The following PRDM12 variants were observed in gnomAD, a reference collection of about 807,000 sequenced individuals.
PRDM12 encodes PR/SET domain 12.
PRDM12 carries 17 observed loss-of-function variants against 29.6 expected under a neutral mutation model. The observed-to-expected ratio is 0.57, with a 90% CI of 0.39 to 0.86. The LOEUF (loss-of-function observed/expected upper bound fraction) is 0.86, where lower values mean the gene tolerates loss of function less well. Among genes scored for constraint, PRDM12 ranks in the 40% least tolerant of loss-of-function variants. The pLI is 0.00. For missense variants in PRDM12, 422 were observed against 510.8 expected (o/e 0.83, Z 1.68); for synonymous variants, 231 against 225.8 (o/e 1.02, Z -0.21).
chr9:130,680,632 A>ATATATATATATATATAT (rs1246642229), intron 4 of PRDM12, among the ~76,000 whole-genome samples: 5 of 77,314 alleles, frequency 6.5e-5, no homozygotes, highest in Non-Finnish European at 1.1e-4. Flanking sequence ...CTAAAAAAAA[A>ATATATATATATATATAT]AAATATATAT....
rs1298500435 is a variant in PRDM12, at chr9:130,680,640, T to A, written c.683-608T>A. On this transcript the variant is annotated intron_variant, in intron 4 of 4. Coordinates refer to ENST00000253008, the MANE Select transcript of PRDM12 (RefSeq NM_021619.3). ...ACTCCGTCTAAAAAAAAAAAATATA[T>A]ATATATATATATATATATATTTTTT... Among the ~76,000 whole-genome samples the A allele has an allele frequency of 4.4e-3, 339 of 77,682 alleles. 3 individuals are homozygous for A. The highest frequency in any genetic ancestry group is 6.6e-3 in the Non-Finnish European group (283 of 43,120). The allele number at this position is 77,682 out of a possible 152,430, so 51.0% of individuals were successfully genotyped here.
intron 2 of PRDM12, among the ~76,000 whole-genome samples, chr9:130,667,771 T>C (rs1279269673): frequency 1.3e-5 from 2 of 152,068 alleles, no homozygotes; most frequent in Admixed American, 1.3e-4. Context: ...GACTCCAGGA[T>C]CCTCCCTCTC....
chr9:130,680,659 A>ATATTTTTTTT, intron 4 of PRDM12, among the ~76,000 whole-genome samples: 10 of 72,166 alleles, frequency 1.4e-4, no homozygotes, highest in African/African-American at 7.8e-4. Context: ...ATATATATAT[A>ATATTTTTTTT]TTTTTTTTTT....
chr9:130,671,965 C>T lies in PRDM12; in HGVS notation c.570+3652C>T, dbSNP rs114468931. On this transcript the variant is annotated intron_variant, in intron 3 of 4. Transcript: ENST00000253008. ...CTTTCCATAAATACAGAATAGCAGC[C>T]TTCTCAACAGAGACGAAGGCAACGG... is the stretch of plus-strand genomic sequence containing the variant. Among the ~76,000 whole-genome samples the T allele has an allele frequency of 4.6e-3, 700 of 152,320 alleles. 9 individuals carry two copies. Among genetic ancestry groups the T allele is most frequent in the African/African-American group, 0.016 (673 of 41,560 alleles).
Position 130,681,605 on chromosome 9 carries a change from TCGC to T in PRDM12, c.1074_1076del (p.Ala359del), listed in dbSNP as rs752427775. ...GCCCCGCACGCGCACGCGCCCGCGC[TCGC>T]CGCCGCCGCCGCCGCCGCCGCCGCC... is the stretch of plus-strand genomic sequence containing the variant. On this transcript the variant is annotated inframe_deletion, in exon 5 of 5. Coordinates refer to ENST00000253008, the MANE Select transcript of PRDM12 (RefSeq NM_021619.3). The surrounding 1 kb of genome is among the most constrained non-coding windows in gnomAD (Gnocchi z 8.1). 1,391 of 942,186 alleles carry T rather than the reference TCGC, an allele frequency of 1.5e-3. No homozygotes were observed. The highest frequency in any genetic ancestry group is 2.5e-3 in the African/African-American group (137 of 53,936). 58.4% of individuals were successfully genotyped at this position (942,186 alleles called of 1,614,324 possible). A position where few individuals can be genotyped will look rare whatever the true frequency, so the allele number is the denominator to read the frequency against.
Position 130,681,892 on chromosome 9 carries a change from T to A in PRDM12, c.*223T>A. 3.6e-6 allele frequency: 1 copy of A among 279,298 alleles called. No homozygotes were observed. Among genetic ancestry groups the A allele is most frequent in the Non-Finnish European group, 5.4e-6 (1 of 184,644 alleles). The allele number at this position is 279,298 out of a possible 1,614,324, so 17.3% of individuals were successfully genotyped here. ...TCCCTCACCCAGGCCACGCAGCTGG[T>A]GCGGCTGTTCGGCCGCCTCCTCTGG... On this transcript the variant is annotated 3_prime_UTR_variant, in exon 5 of 5. Transcript: ENST00000253008. This position sits in a 1 kb window ranked among gnomAD's most constrained non-coding sequence, Gnocchi z 8.1.
At chr9:130,678,730 C>A in intron 4 of PRDM12, 90 bp downstream of exon 4, 1 of 1,067,450 alleles carries the variant, frequency 9.4e-7, no homozygotes, top group Non-Finnish European at 1.4e-6. Flanking sequence ...GGCAGAGAGG[C>A]TCTTGGCCTC....
chr9:130,669,072 A>C (rs1830761713), intron 3 of PRDM12, among the ~76,000 whole-genome samples: 1 of 152,138 alleles, frequency 6.6e-6, no homozygotes, highest in Non-Finnish European at 1.5e-5. Flanking sequence ...GCACTTTGGG[A>C]GGCTGAGGTG....
intron 3 of PRDM12, among the ~76,000 whole-genome samples, chr9:130,673,890 C>G (rs1255087835): frequency 2.0e-5 from 3 of 151,474 alleles, no homozygotes; most frequent in African/African-American, 7.3e-5. Context: ...AGGCTGGTCT[C>G]GAACTCCCAA....
At position 130,664,724 on chromosome 9, in the gene PRDM12, T is replaced by C. The variant is rs768693958; in HGVS notation, c.71T>C (p.Leu24Pro). ...KTGLKAPGLALAEVITSDILH... is the reference protein window; with the variant it reads ...KTGLKAPGLAPAEVITSDILH... ...GGGCTGAAGGCGCCGGGACTGGCGCTGGCCGAGGTTATCACCTCCGACATC... is the reference window on the plus strand; with the variant it reads ...GGGCTGAAGGCGCCGGGACTGGCGCCGGCCGAGGTTATCACCTCCGACATC... Residue 24 changes from leucine (L) to proline (P), a missense_variant, in exon 1 of 5, where the codon CTG becomes CCG. This residue lies in a region of PRDM12 where 300 missense variants were observed against 350.0 expected (regional missense o/e 0.86). Coordinates refer to ENST00000253008, the MANE Select transcript of PRDM12 (RefSeq NM_021619.3). The surrounding 1 kb of genome is among the most constrained non-coding windows in gnomAD (Gnocchi z 6.4). The C allele has an allele frequency of 6.2e-7, 1 of 1,610,426 alleles. No homozygotes were observed. The highest frequency in any genetic ancestry group is 8.5e-7 in the Non-Finnish European group (1 of 1,179,666).
At chr9:130,680,634 A>AATATATAT (rs1181007721) in intron 4 of PRDM12, among the ~76,000 whole-genome samples, 2 of 88,536 alleles carry the variant, frequency 2.3e-5, no homozygotes, top group Non-Finnish European at 3.9e-5. Flanking sequence ...AAAAAAAAAA[A>AATATATAT]ATATATATAT....
intron 1 of PRDM12, among the ~76,000 whole-genome samples, chr9:130,666,244 T>C (rs73551833): frequency 0.11 from 16,762 of 152,292 alleles, 1,296 homozygotes; most frequent in African/African-American, 0.2. Context: ...TCAGTTTCCC[T>C]GTGCATAAAA....
chr9:130,680,659 A>ATATATATATATATATATTTT, intron 4 of PRDM12, among the ~76,000 whole-genome samples: 6 of 72,156 alleles, frequency 8.3e-5, no homozygotes, highest in East Asian at 6.5e-4. Context: ...ATATATATAT[A>ATATATATATATATATATTTT]TTTTTTTTTT....
At chr9:130,667,532 CT>C (rs67279670) in intron 2 of PRDM12, among the ~76,000 whole-genome samples, 1 of 24,014 alleles carries the variant, frequency 4.2e-5, no homozygotes, top group African/African-American at 1.4e-4. Flanking sequence ...CCCACTCCAG[CT>C]CCCCCCGGCG....
chr9:130,666,752 C>T lies in PRDM12; in HGVS notation c.368C>T (p.Ala123Val), dbSNP rs750758387. Residue 123 changes from alanine to valine, a missense_variant, in exon 2 of 5, where the codon GCC (alanine) becomes GTC (valine). Around this residue, in one of 5 missense-constraint regions of PRDM12, gnomAD observed 300 missense variants for 350.0 expected, o/e 0.86. Coordinates refer to ENST00000253008, the MANE Select transcript of PRDM12 (RefSeq NM_021619.3). ...EMGPFTGRVI[A>V]PEHVDICKNN... ...GGCCCCTTCACCGGCCGCGTGATCG[C>T]CCCGGAGCACGTGGACATCTGCAAG... is the stretch of plus-strand genomic sequence containing the variant. 3.0e-5 allele frequency: 49 copies of T among 1,612,336 alleles called. No individual in the cohort carries two copies. In the Middle Eastern group the frequency reaches 6.6e-4, roughly 22 times the overall value.
At chr9:130,674,010 C>CTTTTTTTTT (rs35863613) in intron 3 of PRDM12, among the ~76,000 whole-genome samples, 25 of 71,846 alleles carry the variant, frequency 3.5e-4, no homozygotes, top group African/African-American at 4.3e-4. Flanking sequence ...TTCTTTCTTT[C>CTTTTTTTTT]TTTTTTTTTT....
chr9:130,675,957 G>A (rs11244096), intron 3 of PRDM12, among the ~76,000 whole-genome samples: 35,222 of 152,064 alleles, frequency 0.23, 5,126 homozygotes, highest in East Asian at 0.43. Flanking sequence ...CTCAGGGACC[G>A]TGTTCCCTCC....
intron 3 of PRDM12, among the ~76,000 whole-genome samples, chr9:130,677,835 G>C (rs913325479): frequency 1.3e-5 from 2 of 152,168 alleles, no homozygotes; most frequent in Middle Eastern, 3.2e-3. Context: ...GGTCCTCCCC[G>C]AGAGCATCAG....
Position 130,665,770 on chromosome 9 carries a change from C to G in PRDM12, c.224-838C>G, listed in dbSNP as rs886179789. Among the ~76,000 whole-genome samples, 5 of 152,116 alleles carry G rather than the reference C, an allele frequency of 3.3e-5. No homozygotes were observed. The South Asian group carries it at 6.2e-4, about 19-fold the overall frequency. On this transcript the variant is annotated intron_variant, in intron 1 of 4. Coordinates refer to ENST00000253008, the MANE Select transcript of PRDM12 (RefSeq NM_021619.3). ...CGCAATGGACACCGTTTAACCCCCC[C>G]CTTTCAGCCGGCCCGCTCGCCGGGT...
Sources: gnomAD v4.1 joint callset for allele counts (sites outside exome capture counted in the v4.1 genomes callset) on GRCh38, gnomAD v4.1.1 for gene constraint, gnomAD v4.1.1 regional missense constraint, Gnocchi (gnomAD v3.1) non-coding constraint, MANE v1.5 for transcripts, NCBI Gene and HGNC (gene_info 2026-07-23, HGNC 2026-07-21) for gene names.